Variants in ANKRD55 observed in about 807,000 individuals in gnomAD.
The protein encoded by ANKRD55 is ankyrin repeat domain 55.
A neutral mutation model predicts 60.6 loss-of-function variants in ANKRD55; 41 were observed. The observed-to-expected ratio is 0.68, with a 90% CI of 0.53 to 0.88. ANKRD55 has a LOEUF of 0.88. Among genes scored for constraint, ANKRD55 ranks in the 40% least tolerant of loss-of-function variants. ANKRD55 has a pLI of 0.00. For synonymous variants in ANKRD55, 264 were observed against 290.3 expected (o/e 0.91, Z 0.92); for missense variants, 732 against 767.6 (o/e 0.95, Z 0.55).
At chr5:56,200,757 G>C (rs911056256) in intron 2 of ANKRD55, among the ~76,000 whole-genome samples, 1 of 152,046 alleles carries the variant, frequency 6.6e-6, no homozygotes, top group African/African-American at 2.4e-5. Context: ...GGGCACATTG[G>C]GTATTGCAAT....
intron 11 of ANKRD55, 103 bp downstream of exon 11, chr5:56,102,390 CA>C (rs36060683): frequency 0.29 from 191,147 of 653,868 alleles, 5,195 homozygotes; most frequent in South Asian, 0.37. Flanking sequence ...GACTCCATCT[CA>C]AAAAAAAAAA....
chr5:56,228,383 G>A (rs141449206), intron 2 of ANKRD55, among the ~76,000 whole-genome samples: 146 of 152,062 alleles, frequency 9.6e-4, no homozygotes, highest in African/African-American at 3.2e-3. Context: ...GAAGGACCAG[G>A]GAAGATTCTT....
intron 3 of ANKRD55, among the ~76,000 whole-genome samples, chr5:56,181,292 G>A (rs1758844150): frequency 6.6e-6 from 1 of 152,146 alleles, no homozygotes; most frequent in South Asian, 2.1e-4. Flanking sequence ...AGGTCTTAGG[G>A]GCAAAGCACT....
intron 5 of ANKRD55, among the ~76,000 whole-genome samples, chr5:56,166,156 T>TC (rs57517601): frequency 0.013 from 1,067 of 85,334 alleles, 42 homozygotes; most frequent in Non-Finnish European, 0.017. Context: ...CTTTCTTTCT[T>TC]CTTTCCTTCC....
chr5:56,225,225 A>G (rs1406897519), intron 2 of ANKRD55, among the ~76,000 whole-genome samples: 1 of 152,200 alleles, frequency 6.6e-6, no homozygotes, highest in African/African-American at 2.4e-5. Flanking sequence ...AGAACCAAAG[A>G]CAAAAACCAC....
At chr5:56,107,010 TAAA>T (rs371808077) in intron 10 of ANKRD55, among the ~76,000 whole-genome samples, 7 of 114,542 alleles carry the variant, frequency 6.1e-5, no homozygotes, top group African/African-American at 1.6e-4. Context: ...TATCTCTCTC[TAAA>T]AAAAAAAAAA....
chr5:56,226,635 T>A (rs1321014727), intron 2 of ANKRD55, among the ~76,000 whole-genome samples: 1 of 151,948 alleles, frequency 6.6e-6, no homozygotes, highest in East Asian at 1.9e-4. Flanking sequence ...TTAAACAAAT[T>A]TACAAGAAAA....
intron 2 of ANKRD55, among the ~76,000 whole-genome samples, chr5:56,229,913 C>T (rs1472924167): frequency 6.6e-6 from 1 of 152,044 alleles, no homozygotes; most frequent in Non-Finnish European, 1.5e-5. Context: ...CAACTTTGAA[C>T]CTCTCTGTGC....
In ANKRD55 at chr5:56,217,381, T is replaced by A. The variant is rs183321200; in HGVS notation, c.58+15475A>T. ...GAGATTAATGTTGTTTTCATGCCTG[T>A]AACACAGGATCCATTCTGCAGCCCA... On this transcript the variant is annotated intron_variant, in intron 2 of 11. Transcript: ENST00000341048. Among the ~76,000 whole-genome samples, 31 of 152,338 alleles carry A rather than the reference T, an allele frequency of 2.0e-4. No homozygotes were observed. The East Asian group carries it at 4.8e-3, about 24-fold the overall frequency.
chr5:56,204,403 G>T (rs2111862908), intron 2 of ANKRD55, among the ~76,000 whole-genome samples: 1 of 152,286 alleles, frequency 6.6e-6, no homozygotes, highest in South Asian at 2.1e-4. Context: ...CCTTGCCCAT[G>T]CCTATGTCCT....
chr5:56,181,266 A>T (rs1758843861), intron 3 of ANKRD55, among the ~76,000 whole-genome samples: 1 of 152,192 alleles, frequency 6.6e-6, no homozygotes, highest in Non-Finnish European at 1.5e-5. Flanking sequence ...GAGAGTGGAC[A>T]TTCACACCTT....
At chr5:56,218,353 G>C (rs2111884795) in intron 2 of ANKRD55, among the ~76,000 whole-genome samples, 1 of 152,170 alleles carries the variant, frequency 6.6e-6, no homozygotes, top group East Asian at 1.9e-4. Flanking sequence ...TATGAAAGAA[G>C]GAGTCAATTG....
chr5:56,174,665 C>G (rs1364930602), intron 4 of ANKRD55, among the ~76,000 whole-genome samples: 3 of 151,990 alleles, frequency 2.0e-5, no homozygotes, highest in South Asian at 4.2e-4. Context: ...AACCCTGTCT[C>G]TACTAAAAAT....
In ANKRD55 at chr5:56,153,892, A is replaced by G. The variant is rs147472691; in HGVS notation, c.483+5941T>C. ...TGAGCCAGATCTATATGTATCAAAAATTCTAAGACAAATGCTTGAGTTGAA... is the reference window on the plus strand; with the variant it reads ...TGAGCCAGATCTATATGTATCAAAAGTTCTAAGACAAATGCTTGAGTTGAA... On this transcript the variant is annotated intron_variant, in intron 6 of 11. Transcript: ENST00000341048. Among the ~76,000 whole-genome samples, 366 of 151,796 alleles carry G rather than the reference A, an allele frequency of 2.4e-3. 1 individual carries two copies. Among genetic ancestry groups the G allele is most frequent in the African/African-American group, 8.5e-3 (353 of 41,402 alleles).
intron 2 of ANKRD55, among the ~76,000 whole-genome samples, chr5:56,209,575 T>G (rs1759609086): frequency 6.6e-6 from 1 of 151,778 alleles, no homozygotes; most frequent in Non-Finnish European, 1.5e-5. Flanking sequence ...CACGCCATTC[T>G]CCTGCCTCAG....
At chr5:56,217,327 A>T (rs1047771852) in intron 2 of ANKRD55, among the ~76,000 whole-genome samples, 1 of 152,224 alleles carries the variant, frequency 6.6e-6, no homozygotes, top group Non-Finnish European at 1.5e-5. Context: ...CATTTTTTCT[A>T]AGCAAGAGCT....
chr5:56,169,461 A>G (rs1758557403), intron 5 of ANKRD55, among the ~76,000 whole-genome samples: 2 of 149,184 alleles, frequency 1.3e-5, no homozygotes, highest in South Asian at 2.1e-4. Context: ...ATCAAGAGGG[A>G]GTCATCCCCT....
rs749590597 is a variant in ANKRD55, at chr5:56,143,847, G to A, written c.566C>T (p.Thr189Ile). The A allele has an allele frequency of 1.2e-6, 2 of 1,614,160 alleles. No homozygotes were observed. Among genetic ancestry groups the A allele is most frequent in the African/African-American group, 1.3e-5 (1 of 75,042 alleles). ...QMLLKKGADPTLVDKDFKTAL... is the reference protein window; with the variant it reads ...QMLLKKGADPILVDKDFKTAL... ...GGTTTTAAAGTCTTTATCCACAAGG[G>A]TGGGGTCTGCCCCCTTCTTCAGCAG... The change falls in exon 7 of 12, where the codon ACC becomes ATC. Residue 189 changes from threonine to isoleucine, a missense_variant. Thr to Ile is a moderately conservative substitution (Grantham distance 89, BLOSUM62 -1). Around this residue, in one of 3 missense-constraint regions of ANKRD55, gnomAD observed 597 missense variants for 607.5 expected, o/e 0.98. Transcript: ENST00000341048.
chr5:56,123,984 G>A (rs999388865), intron 8 of ANKRD55, among the ~76,000 whole-genome samples: 2 of 152,182 alleles, frequency 1.3e-5, no homozygotes, highest in Non-Finnish European at 2.9e-5. Context: ...AAGAGTGGGC[G>A]GATGTGGTGG....
Sources: gnomAD v4.1 joint callset for allele counts (sites outside exome capture counted in the v4.1 genomes callset) on GRCh38, gnomAD v4.1.1 for gene constraint, gnomAD v4.1.1 regional missense constraint, MANE v1.5 for transcripts, NCBI Gene and HGNC (gene_info 2026-07-23, HGNC 2026-07-21) for gene names.